ADAD2: variants seen among roughly 807,000 people sequenced by gnomAD.
ADAD2 encodes the protein adenosine deaminase domain-containing protein 2.
In ADAD2, 60 loss-of-function variants were observed where a neutral mutation model predicts 54.5. That is an observed-to-expected ratio of 1.10 (90% CI 0.89 to 1.36). The LOEUF is 1.36. Ranked by LOEUF, ADAD2 falls within the 40% of genes most tolerant of loss-of-function variation. The pLI is 0.00. For synonymous variants in ADAD2, 543 were observed against 366.2 expected (o/e 1.48, Z -5.51); for missense variants, 1,103 against 801.3 (o/e 1.38, Z -4.54).
rs1567610346 is a variant in ADAD2 at position 84,191,291 on chromosome 16, G to T, written c.61G>T (p.Ala21Ser). The T allele has an allele frequency of 6.2e-7, 1 of 1,602,844 alleles. No individual in the cohort carries two copies. Among genetic ancestry groups the T allele is most frequent in the Admixed American group, 1.7e-5 (1 of 59,526 alleles). Residue 21 changes from alanine to serine, a missense_variant, in exon 1 of 10, where the codon GCA becomes TCA. Transcript: ENST00000315906. ...DGSRRKPRLA[A>S]SLQISPQPRP... Reference sequence around the variant, plus strand: ...CAGTCGTAGGAAGCCCCGCCTGGCTGCATCGTTGCAGATCAGCCCCCAGCC... The same window carrying T: ...CAGTCGTAGGAAGCCCCGCCTGGCTTCATCGTTGCAGATCAGCCCCCAGCC...
rs138702097 is a variant in ADAD2, at chr16:84,195,601, C to T, written c.956C>T (p.Pro319Leu). The stretch of plus-strand genomic sequence containing the variant: ...GGCAAGGAGCAGTCCGTGCTGGCCC[C>T]CCAGCCAGGGCCCGGACCCCCATTC... ...PKGKEQSVLA[P>L]QPGPGPPFTL... is the part of the protein sequence containing the mutation. The change falls in exon 6 of 10, where the codon CCC (proline) becomes CTC (leucine). Residue 319 changes from proline (P) to leucine (L), a missense_variant. By Grantham distance (98) the Pro-to-Leu change is moderately conservative. Coordinates refer to ENST00000315906, the MANE Select transcript of ADAD2 (RefSeq NM_001145400.2). 2,933 of 1,604,440 alleles carry T rather than the reference C, an allele frequency of 1.8e-3. 66 individuals carry two copies. In the South Asian group the frequency reaches 0.028, roughly 15 times the overall value.
chr16:84,192,319 A>G (rs899945831), intron 1 of ADAD2, among the ~76,000 whole-genome samples: 25 of 151,284 alleles, frequency 1.7e-4, no homozygotes, highest in African/African-American at 5.8e-4. Context: ...TAATTTTTGT[A>G]TTTTTTTTGT....
chr16:84,195,010 T>G (rs772088801), intron 3 of ADAD2, 30 bp downstream of exon 3: 174 of 1,611,708 alleles, frequency 1.1e-4, no homozygotes, highest in Non-Finnish European at 1.4e-4. Context: ...CCCAGGCTTG[T>G]AGTGTCGAGG....
At position 84,194,468 on chromosome 16, in the gene ADAD2, G is replaced by A. The variant is rs148727486; in HGVS notation, c.445G>A (p.Ala149Thr). The change falls in exon 2 of 10, where the codon GCG becomes ACG. Residue 149 changes from alanine (A) to threonine (T), a missense_variant. Coordinates refer to ENST00000315906, the MANE Select transcript of ADAD2 (RefSeq NM_001145400.2). Reference sequence around the variant, plus strand: ...TCCCTGCTTCCCCTTCTCGGTGAGCGCGGAACTGGATGGGGTGGTCTGCCC... The same window carrying A: ...TCCCTGCTTCCCCTTCTCGGTGAGCACGGAACTGGATGGGGTGGTCTGCCC... ...PGPCFPFSVS[A>T]ELDGVVCPAG... is the part of the protein sequence containing the mutation. 1.3e-5 allele frequency: 21 copies of A among 1,608,868 alleles called. No homozygotes were observed. The East Asian group carries it at 1.8e-4, about 14-fold the overall frequency.
intron 8 of ADAD2, 116 bp downstream of exon 8, chr16:84,196,486 C>A: frequency 3.3e-6 from 2 of 606,876 alleles, no homozygotes; most frequent in Non-Finnish European, 4.6e-6. Context: ...AACCCCTTCG[C>A]TCAACCCCTT....
rs745480911 is a variant in ADAD2 at position 84,191,260 on chromosome 16, C to T, written c.30C>T (p.Asp10=). The change falls in exon 1 of 10, where the codon GAC becomes GAT. Residue 10 remains aspartate, a synonymous_variant. Transcript: ENST00000315906. ...CTTCGGCTTCTCAGGGCGCTGACGA[C>T]GACGGCAGTCGTAGGAAGCCCCGCC... The part of the protein sequence containing the change: MASASQGAD[D]DGSRRKPRLA... 29 of 1,605,222 alleles carry T rather than the reference C, an allele frequency of 1.8e-5. No homozygotes were observed. The highest frequency in any genetic ancestry group is 2.5e-5 in the Non-Finnish European group (29 of 1,176,870).
rs979205609 is a variant in ADAD2, at chr16:84,191,787, C to A, written c.418+139C>A. 9.8e-6 allele frequency: 13 copies of A among 1,324,356 alleles called. No homozygotes were observed. In the Admixed American group the frequency reaches 9.9e-5, roughly 10 times the overall value. 82.0% of individuals were successfully genotyped at this position (1,324,356 alleles called of 1,614,324 possible). A position where few individuals can be genotyped will look rare whatever the true frequency, so the allele number is the denominator to read the frequency against. On this transcript the variant is annotated intron_variant, in intron 1 of 9. Transcript: ENST00000315906. ...AGACACCGCCGGAGCAGGACCTGGC[C>A]TGAGCTTGGGACCTTGGGGTGGACC...
At position 84,196,062 on chromosome 16, in the gene ADAD2, G is replaced by A. The variant is rs756046174; in HGVS notation, c.1282+18G>A. On this transcript the variant is annotated intron_variant, in intron 7 of 9. Transcript: ENST00000315906. Reference sequence around the variant, plus strand: ...CATCCTGGGTGAGCACGTGGTGAGGGCTGGGGGGGTGAGAAGGGAGGGCAG... The same window carrying A: ...CATCCTGGGTGAGCACGTGGTGAGGACTGGGGGGGTGAGAAGGGAGGGCAG... 2 of 1,599,282 alleles carry A rather than the reference G, an allele frequency of 1.3e-6. No individual in the cohort carries two copies. Among genetic ancestry groups the A allele is most frequent in the East Asian group, 2.2e-5 (1 of 44,850 alleles).
chr16:84,194,760 C>G (rs1303665883), intron 2 of ADAD2, 173 bp from the exon 3 acceptor site: 1 of 1,299,520 alleles, frequency 7.7e-7, no homozygotes, highest in East Asian at 2.5e-5. Flanking sequence ...ATGTGCCGGT[C>G]CCTGCTTTCA....
intron 1 of ADAD2, 112 bp from the exon 2 acceptor site, chr16:84,194,330 G>A (rs1369308409): frequency 2.6e-6 from 4 of 1,543,826 alleles, no homozygotes; most frequent in Non-Finnish European, 2.6e-6. Context: ...AGGGTGGTGA[G>A]GGTCTCATTA....
Position 84,191,428 on chromosome 16 carries a change from C to T in ADAD2, c.198C>T (p.Asp66=). The change falls in exon 1 of 10, where the codon GAC becomes GAT. Residue 66 remains aspartate (D), a synonymous_variant. Coordinates refer to ENST00000315906, the MANE Select transcript of ADAD2 (RefSeq NM_001145400.2). ...GGCCCCAGGTCTCGGTGTTGAGGGACAGTGGGCCTGGGGCAGGGGCCGGAG... is the reference window on the plus strand; with the variant it reads ...GGCCCCAGGTCTCGGTGTTGAGGGATAGTGGGCCTGGGGCAGGGGCCGGAG... ...GGWPQVSVLR[D]SGPGAGAGVG... is the part of the protein sequence containing the mutation. 6.6e-7 allele frequency: 1 copy of T among 1,506,616 alleles called. No individual in the cohort carries two copies. The highest frequency in any genetic ancestry group is 8.8e-7 in the Non-Finnish European group (1 of 1,131,070). The allele number at this position is 1,506,616 out of a possible 1,614,324, so 93.3% of individuals were successfully genotyped here.
Position 84,195,134 on chromosome 16 carries a change from G to C in ADAD2, c.673G>C (p.Asp225His), listed in dbSNP as rs2089709854. The change falls in exon 4 of 10, where the codon GAC (aspartate) becomes CAC (histidine). Residue 225 changes from aspartate (D) to histidine (H), a missense_variant. Transcript: ENST00000315906. ...GAGCGCCGGCTTTGACCTCCTGTTG[G>C]ACGAGCGCTCGCCATACTGGGCCTG... ...LVSAGFDLLL[D>H]ERSPYWACKG... 2 of 1,613,628 alleles carry C rather than the reference G, an allele frequency of 1.2e-6. No homozygotes were observed. The highest frequency in any genetic ancestry group is 1.7e-6 in the Non-Finnish European group (2 of 1,180,010).
At chr16:84,194,222 G>A (rs951793396) in intron 1 of ADAD2, 1 of 1,559,870 alleles carries the variant, frequency 6.4e-7, no homozygotes, top group Non-Finnish European at 8.7e-7. Flanking sequence ...GAGGAGTTGG[G>A]TGAGGACTTG....
At position 84,191,408 on chromosome 16, in the gene ADAD2, C is replaced by T; in HGVS notation, c.178C>T (p.Gln60Ter). 1.3e-6 allele frequency: 2 copies of T among 1,494,574 alleles called. No individual in the cohort carries two copies. The highest frequency in any genetic ancestry group is 1.8e-6 in the Non-Finnish European group (2 of 1,125,692). The allele number at this position is 1,494,574 out of a possible 1,614,324, so 92.6% of individuals were successfully genotyped here. A position where few individuals can be genotyped will look rare whatever the true frequency, so the allele number is the denominator to read the frequency against. Residue 60 changes from glutamine (Q) to a stop codon, truncating the protein, a stop_gained, in exon 1 of 10, where the codon CAG (glutamine) becomes TAG (stop). Coordinates refer to ENST00000315906, the MANE Select transcript of ADAD2 (RefSeq NM_001145400.2). LOFTEE classifies it high-confidence loss of function. ...GTATCGCGCGGAGGGCGGGTGGCCC[C>T]AGGTCTCGGTGTTGAGGGACAGTGG... Reference protein sequence around the residue: ...ATYRAEGGWPQVSVLRDSGPG... With the variant: ...ATYRAEGGWP
chr16:84,196,472 GCTCAA>G, intron 8 of ADAD2, 102 bp downstream of exon 8: 3 of 725,092 alleles, frequency 4.1e-6, no homozygotes, highest in Non-Finnish European at 5.7e-6. Context: ...CAACCCCTTC[GCTCAA>G]CCCCTTCGCT....
chr16:84,191,187 C>T lies in ADAD2; in HGVS notation c.-44C>T. On this transcript the variant is annotated 5_prime_UTR_variant, in exon 1 of 10. Transcript: ENST00000315906. The stretch of plus-strand genomic sequence containing the variant: ...CCCTGCGCGTGTGAAAGGGCGAGAG[C>T]AGCGCGAGATAGGGCCTAGCGCCTC... 5.1e-6 allele frequency: 8 copies of T among 1,578,576 alleles called. No individual in the cohort carries two copies. The highest frequency in any genetic ancestry group is 1.9e-4 in the Middle Eastern group (1 of 5,384).
In ADAD2 at chr16:84,196,980, G is replaced by T. The variant is rs2089740673; in HGVS notation, c.*6G>T. On this transcript the variant is annotated 3_prime_UTR_variant, in exon 10 of 10. Coordinates refer to ENST00000315906, the MANE Select transcript of ADAD2 (RefSeq NM_001145400.2). ...TGGGCAAATTCAGAAACTGAAGCCA[G>T]CCTCGGCGGGACCGAGGTCCCGGAG... 5.7e-6 allele frequency: 9 copies of T among 1,586,510 alleles called. No individual in the cohort carries two copies. The highest frequency in any genetic ancestry group is 7.7e-6 in the Non-Finnish European group (9 of 1,167,602).
rs1360227408 is a variant in ADAD2, at chr16:84,191,389, C to T, written c.159C>T (p.Arg53=). Residue 53 remains arginine (R), a synonymous_variant, in exon 1 of 10, where the codon CGC becomes CGT. Coordinates refer to ENST00000315906, the MANE Select transcript of ADAD2 (RefSeq NM_001145400.2). ...WGPAPAPATY[R]AEGGWPQVSV... Reference sequence around the variant, plus strand: ...CCGCGCCCGCGCCCGCGACGTATCGCGCGGAGGGCGGGTGGCCCCAGGTCT... The same window carrying T: ...CCGCGCCCGCGCCCGCGACGTATCGTGCGGAGGGCGGGTGGCCCCAGGTCT... 9 of 1,504,806 alleles carry T rather than the reference C, an allele frequency of 6.0e-6. No homozygotes were observed. The South Asian group carries it at 1.1e-4, about 19-fold the overall frequency. The allele number at this position is 1,504,806 out of a possible 1,614,324, so 93.2% of individuals were successfully genotyped here.
At chr16:84,194,910 C>A in intron 2 of ADAD2, 23 bp from the exon 3 acceptor site, 1 of 1,587,958 alleles carries the variant, frequency 6.3e-7, no homozygotes, top group Non-Finnish European at 8.6e-7. Flanking sequence ...CCCACACCAG[C>A]CCGCCCTCCT....
Sources: gnomAD v4.1 joint callset for allele counts (sites outside exome capture counted in the v4.1 genomes callset) on GRCh38, gnomAD v4.1.1 for gene constraint, MANE v1.5 for transcripts, NCBI Gene and HGNC (gene_info 2026-07-23, HGNC 2026-07-21) for gene names.